The following TSC22D2 variants were observed in gnomAD, a reference collection of about 807,000 sequenced individuals.
The protein encoded by TSC22D2 is TSC22 domain family protein 2.
A neutral mutation model predicts 50.1 loss-of-function variants in TSC22D2; 5 were observed. That is an observed-to-expected ratio of 0.10 (90% CI 0.05 to 0.21). The LOEUF (loss-of-function observed/expected upper bound fraction) is 0.21. Among genes scored for constraint, TSC22D2 ranks in the 10% least tolerant of loss-of-function variants. TSC22D2 has a pLI of 1.00. For synonymous variants in TSC22D2, 501 were observed against 450.1 expected (o/e 1.11, Z -1.43); for missense variants, 1,003 against 1,015.5 (o/e 0.99, Z 0.17).
At chr3:150,456,142 C>CA (rs1390325179) in intron 1 of TSC22D2, among the ~76,000 whole-genome samples, 1 of 150,458 alleles carries the variant, frequency 6.6e-6, no homozygotes, top group African/African-American at 2.4e-5. Context: ...AACCTACAGT[C>CA]AAATACATGT....
rs1461742378 is a variant in TSC22D2, at chr3:150,465,597, G to A, written c.*6961G>A. 6.6e-6 allele frequency: 1 copy of A among 152,160 alleles called. No individual in the cohort carries two copies. The highest frequency in any genetic ancestry group is 1.5e-5 in the Non-Finnish European group (1 of 68,016). 9.4% of individuals were successfully genotyped at this position (152,160 alleles called of 1,614,324 possible). ...GTGTTCACAAGATAGCCTGTACAAT[G>A]ATGTCAATTGCACCTTTGCTTGTAC... On this transcript the variant is annotated 3_prime_UTR_variant, in exon 3 of 3. Transcript: ENST00000688009.
rs1212633953 is a variant in TSC22D2, at chr3:150,466,006, A to G, written c.*7370A>G. ...CTACTGTAATACTATGAAATTGGAA[A>G]AACCAAAATACTCATCAAGAGGATG... is the stretch of plus-strand genomic sequence containing the variant. On this transcript the variant is annotated 3_prime_UTR_variant, in exon 3 of 3. Transcript: ENST00000688009. 1 of 152,212 alleles carries G rather than the reference A, an allele frequency of 6.6e-6. No individual in the cohort carries two copies. Among genetic ancestry groups the G allele is most frequent in the Non-Finnish European group, 1.5e-5 (1 of 68,034 alleles). The allele number at this position is 152,212 out of a possible 1,614,324, so 9.4% of individuals were successfully genotyped here. A position where few individuals can be genotyped will look rare whatever the true frequency, so the allele number is the denominator to read the frequency against.
At chr3:150,431,398 A>G (rs1720378053) in intron 1 of TSC22D2, among the ~76,000 whole-genome samples, 1 of 152,108 alleles carries the variant, frequency 6.6e-6, no homozygotes, top group African/African-American at 2.4e-5. Context: ...TATACAGTGC[A>G]TATTCAGATT....
intron 1 of TSC22D2, among the ~76,000 whole-genome samples, chr3:150,422,500 C>T (rs142841802): frequency 3.3e-5 from 5 of 151,896 alleles, no homozygotes; most frequent in Non-Finnish European, 7.4e-5. Flanking sequence ...TTGCCCTAGA[C>T]GAGGAAAAAA....
At chr3:150,433,764 T>C (rs1202620266) in intron 1 of TSC22D2, among the ~76,000 whole-genome samples, 3 of 152,230 alleles carry the variant, frequency 2.0e-5, no homozygotes, top group African/African-American at 7.2e-5. Flanking sequence ...AAGCATAATA[T>C]ATTATGGTTT....
chr3:150,446,390 C>T (rs1357795133), intron 1 of TSC22D2, among the ~76,000 whole-genome samples: 10 of 152,120 alleles, frequency 6.6e-5, no homozygotes, highest in Admixed American at 6.6e-4. Context: ...TGGCACACGC[C>T]TATAATCCCA....
At chr3:150,434,917 A>G (rs1720489169) in intron 1 of TSC22D2, among the ~76,000 whole-genome samples, 1 of 152,116 alleles carries the variant, frequency 6.6e-6, no homozygotes, top group African/African-American at 2.4e-5. Flanking sequence ...TCTTGGCTCA[A>G]CCACAGATAT....
intron 1 of TSC22D2, among the ~76,000 whole-genome samples, chr3:150,437,873 A>C (rs942064756): frequency 1.3e-5 from 2 of 151,976 alleles, no homozygotes; most frequent in African/African-American, 2.4e-5. Context: ...ATGTGGACCA[A>C]ACAATATAAC....
chr3:150,462,273 A>G lies in TSC22D2; in HGVS notation c.*3637A>G, dbSNP rs1279541174. On this transcript the variant is annotated 3_prime_UTR_variant, in exon 3 of 3. Coordinates refer to ENST00000688009, the MANE Select transcript of TSC22D2 (RefSeq NM_001303264.2). ...ACAAGGCTCCTAGGGCAGCCACAGAATTGCATTGGAGACAGGCAGGCAGTG... is the reference window on the plus strand; with the variant it reads ...ACAAGGCTCCTAGGGCAGCCACAGAGTTGCATTGGAGACAGGCAGGCAGTG... 1 of 152,202 alleles carries G rather than the reference A, an allele frequency of 6.6e-6. No individual in the cohort carries two copies. Among genetic ancestry groups the G allele is most frequent in the Non-Finnish European group, 1.5e-5 (1 of 68,052 alleles). 9.4% of individuals were successfully genotyped at this position (152,202 alleles called of 1,614,324 possible). A position where few individuals can be genotyped will look rare whatever the true frequency, so the allele number is the denominator to read the frequency against.
At chr3:150,415,020 T>C (rs1719748340) in intron 1 of TSC22D2, among the ~76,000 whole-genome samples, 1 of 151,370 alleles carries the variant, frequency 6.6e-6, no homozygotes, top group South Asian at 2.1e-4. Flanking sequence ...GTAGTAAAAA[T>C]GTAAATTCGT....
At chr3:150,452,411 C>T (rs1004953286) in intron 1 of TSC22D2, among the ~76,000 whole-genome samples, 11 of 151,984 alleles carry the variant, frequency 7.2e-5, no homozygotes, top group African/African-American at 2.7e-4. Flanking sequence ...CGCCATTTCA[C>T]CCCAGCCTGG....
intron 1 of TSC22D2, among the ~76,000 whole-genome samples, chr3:150,441,556 TCAAGAC>T (rs1249554850): frequency 2.6e-5 from 4 of 152,018 alleles, no homozygotes; most frequent in African/African-American, 9.7e-5. Flanking sequence ...GCCCAGGAGT[TCAAGAC>T]CAGCCTGGAC....
At chr3:150,431,078 A>G (rs1234718595) in intron 1 of TSC22D2, among the ~76,000 whole-genome samples, 2 of 151,910 alleles carry the variant, frequency 1.3e-5, no homozygotes, top group Non-Finnish European at 2.9e-5. Context: ...TACAAAAATT[A>G]GCCAGGCGTG....
chr3:150,418,035 T>C (rs1719881927), intron 1 of TSC22D2, among the ~76,000 whole-genome samples: 1 of 152,120 alleles, frequency 6.6e-6, no homozygotes, highest in Non-Finnish European at 1.5e-5. Context: ...TCAAGTGTGC[T>C]TCATGAGAGA....
chr3:150,433,910 A>G (rs13321876), intron 1 of TSC22D2, among the ~76,000 whole-genome samples: 59,495 of 151,828 alleles, frequency 0.39, 11,903 homozygotes, highest in Middle Eastern at 0.55. Flanking sequence ...CCTCATCTCT[A>G]CAAAAAACAC....
intron 1 of TSC22D2, among the ~76,000 whole-genome samples, chr3:150,414,663 C>T (rs1305490100): frequency 2.0e-5 from 3 of 152,020 alleles, no homozygotes; most frequent in Non-Finnish European, 4.4e-5. Flanking sequence ...GTGGTGTGTC[C>T]TGGTATGTGC....
At chr3:150,438,619 T>C (rs1720622114) in intron 1 of TSC22D2, among the ~76,000 whole-genome samples, 1 of 152,196 alleles carries the variant, frequency 6.6e-6, no homozygotes, top group Admixed American at 6.5e-5. Context: ...AAAATATTGC[T>C]ATTGCATCTG....
rs370713243 is a variant in TSC22D2, at chr3:150,438,476, G to A, written c.1959-18600G>A. Reference sequence around the variant, plus strand: ...AGTATTAAATATAAGTTAAAACTTGGAATTTTAAATACTTGGAGTATGTAA... The same window carrying A: ...AGTATTAAATATAAGTTAAAACTTGAAATTTTAAATACTTGGAGTATGTAA... On this transcript the variant is annotated intron_variant, in intron 1 of 2. Coordinates refer to ENST00000688009, the MANE Select transcript of TSC22D2 (RefSeq NM_001303264.2). 189 of 156,148 alleles carry A rather than the reference G, an allele frequency of 1.2e-3. 1 individual carries two copies. The South Asian group carries it at 0.022, about 18-fold the overall frequency. 9.7% of individuals were successfully genotyped at this position (156,148 alleles called of 1,614,324 possible). A position where few individuals can be genotyped will look rare whatever the true frequency, so the allele number is the denominator to read the frequency against.
At chr3:150,454,197 A>G (rs972122490) in intron 1 of TSC22D2, among the ~76,000 whole-genome samples, 1 of 152,216 alleles carries the variant, frequency 6.6e-6, no homozygotes, top group African/African-American at 2.4e-5. Context: ...GCACTGGAGC[A>G]TCTTAAGGGA....
Sources: allele counts gnomAD v4.1 joint callset (sites outside exome capture counted in the v4.1 genomes callset), GRCh38; gene constraint gnomAD v4.1.1; transcripts MANE v1.5; gene names NCBI Gene and HGNC (gene_info 2026-07-23, HGNC 2026-07-21).